HTR2C: variants seen among roughly 807,000 people sequenced by gnomAD.
HTR2C encodes the protein 5-hydroxytryptamine receptor 2C, also known as 5-hydroxytryptamine (serotonin) receptor 2C, G protein-coupled.
Under a neutral mutation model 21.0 loss-of-function variants are expected in HTR2C, and 5 were observed. The ratio of observed to expected loss-of-function variants is 0.24; its 90% CI spans 0.12 to 0.50. The LOEUF (loss-of-function observed/expected upper bound fraction) is 0.50. HTR2C is among the 20% of genes least tolerant of loss of function. The pLI, the probability that HTR2C is intolerant of heterozygous loss-of-function variation, is 0.98. For missense variants in HTR2C, 271 were observed against 371.2 expected, an observed-to-expected ratio of 0.73 and a Z score of 2.22; for synonymous variants, 150 against 145.3, an observed-to-expected ratio of 1.03 and a Z score of -0.23.
chrX:114,901,977 A>G (rs782125056), intron 5 of HTR2C, among the ~76,000 whole-genome samples: 8 of 111,504 alleles, frequency 7.2e-5, no homozygotes, highest in Non-Finnish European at 1.3e-4. Flanking sequence ...TATTGGAATT[A>G]TTGTTAGTGA....
At chrX:114,683,706 A>C (rs1392695366) in intron 2 of HTR2C, among the ~76,000 whole-genome samples, 1 of 111,418 alleles carries the variant, frequency 9.0e-6, no homozygotes, top group Non-Finnish European at 1.9e-5. Flanking sequence ...GAGGCACAAG[A>C]ATCGCTTGAA....
At chrX:114,838,049 C>G (rs2070802922) in intron 4 of HTR2C, among the ~76,000 whole-genome samples, 1 of 111,164 alleles carries the variant, frequency 9.0e-6, no homozygotes, top group South Asian at 3.7e-4. Flanking sequence ...ATGCTAATAT[C>G]AGGGATTATA....
chrX:114,878,832 T>A (rs1414040180), intron 5 of HTR2C, among the ~76,000 whole-genome samples: 3 of 106,808 alleles, frequency 2.8e-5, no homozygotes, highest in Non-Finnish European at 5.8e-5. Context: ...TCCACAGTTA[T>A]AAGGGAACAG....
intron 4 of HTR2C, among the ~76,000 whole-genome samples, chrX:114,771,821 T>G (rs1006898144): frequency 3.6e-5 from 4 of 112,634 alleles, no homozygotes; most frequent in Admixed American, 2.8e-4. Context: ...ATAAAGCTTT[T>G]TCTGAAGAAC....
At chrX:114,708,804 A>ATT (rs201606862) in intron 2 of HTR2C, among the ~76,000 whole-genome samples, 287 of 106,942 alleles carry the variant, frequency 2.7e-3, no homozygotes, top group Non-Finnish European at 4.6e-3. Context: ...GAGATACTAC[A>ATT]TTTTTTTTAA....
chrX:114,630,918 T>C (rs995971889), intron 2 of HTR2C: 2 of 354,508 alleles, frequency 5.6e-6, no homozygotes, highest in Non-Finnish European at 5.5e-6. Flanking sequence ...TGCAGCTGGG[T>C]ACATATCTCC....
chrX:114,758,876 A>G (rs988268505), intron 4 of HTR2C, among the ~76,000 whole-genome samples: 1 of 111,833 alleles, frequency 8.9e-6, no homozygotes, highest in Non-Finnish European at 1.9e-5. Context: ...TTTGAAATAT[A>G]TCCCCCCACT....
intron 5 of HTR2C, among the ~76,000 whole-genome samples, chrX:114,858,362 CTATT>C (rs1312891204): frequency 9.0e-6 from 1 of 110,854 alleles, no homozygotes; most frequent in African/African-American, 3.3e-5. Flanking sequence ...AAATAATCTA[CTATT>C]TATTTAGGCC....
At chrX:114,803,634 C>T (rs1429484009) in intron 4 of HTR2C, among the ~76,000 whole-genome samples, 2 of 101,247 alleles carry the variant, frequency 2.0e-5, no homozygotes, top group Non-Finnish European at 4.0e-5. Flanking sequence ...GGATATTAGC[C>T]CTTTGTCAGA....
intron 1 of HTR2C, 134 bp downstream of exon 1, chrX:114,584,793 GA>G: frequency 8.8e-6 from 1 of 113,545 alleles, no homozygotes; most frequent in Non-Finnish European, 1.9e-5. Context: ...AGGTTGGGGG[GA>G]GGGACTCTGA....
intron 4 of HTR2C, among the ~76,000 whole-genome samples, chrX:114,821,220 A>G (rs1834488666): frequency 1.1e-5 from 1 of 88,069 alleles, no homozygotes; most frequent in African/African-American, 3.9e-5. Context: ...GAAAGCAGAT[A>G]TGAGTACGTA....
intron 2 of HTR2C, among the ~76,000 whole-genome samples, chrX:114,616,676 A>G (rs1299703649): frequency 8.9e-6 from 1 of 112,122 alleles, no homozygotes; most frequent in Non-Finnish European, 1.9e-5. Flanking sequence ...AGCCTTACTT[A>G]TGCTACCTAT....
At chrX:114,700,782 G>A (rs1932446178) in intron 2 of HTR2C, among the ~76,000 whole-genome samples, 1 of 112,612 alleles carries the variant, frequency 8.9e-6, no homozygotes, top group Non-Finnish European at 1.9e-5. Flanking sequence ...AAGCCCAAGG[G>A]GTCAGGGAGT....
intron 2 of HTR2C, among the ~76,000 whole-genome samples, chrX:114,663,897 CT>C (rs782314399): frequency 9.0e-6 from 1 of 111,567 alleles, no homozygotes; most frequent in South Asian, 3.8e-4. Context: ...AGGAATAATT[CT>C]GACTAGATCA....
chrX:114,876,244 G>T (rs1413950328), intron 5 of HTR2C, among the ~76,000 whole-genome samples: 2 of 108,841 alleles, frequency 1.8e-5, no homozygotes, highest in Non-Finnish European at 3.8e-5. Flanking sequence ...ACTGATTTTT[G>T]TATGTTGATT....
intron 2 of HTR2C, among the ~76,000 whole-genome samples, chrX:114,701,851 A>G (rs1488094263): frequency 9.8e-5 from 11 of 112,105 alleles, no homozygotes; most frequent in African/African-American, 3.2e-4. Flanking sequence ...TAACCAATAC[A>G]GAGAAGTCCT....
intron 1 of HTR2C, among the ~76,000 whole-genome samples, chrX:114,611,894 T>C (rs1928753685): frequency 1.8e-5 from 2 of 110,336 alleles, no homozygotes; most frequent in Non-Finnish European, 3.8e-5. Flanking sequence ...AGACTGGGTT[T>C]CACCGTGTTA....
chrX:114,604,810 G>A (rs1341864341), intron 1 of HTR2C, among the ~76,000 whole-genome samples: 5 of 111,077 alleles, frequency 4.5e-5, no homozygotes, highest in African/African-American at 9.8e-5. Flanking sequence ...TGGCCGCTGC[G>A]GTTCAGGCGT....
chrX:114,715,682 TTGTATA>T (rs1182504128), intron 2 of HTR2C, among the ~76,000 whole-genome samples: 1 of 111,767 alleles, frequency 8.9e-6, no homozygotes, highest in Non-Finnish European at 1.9e-5. Context: ...CAAATATTAT[TTGTATA>T]TTACAATATT....
Sources: gnomAD v4.1 joint callset for allele counts (sites outside exome capture counted in the v4.1 genomes callset) on GRCh38, gnomAD v4.1.1 for gene constraint, MANE v1.5 for transcripts, NCBI Gene and HGNC (gene_info 2026-07-23, HGNC 2026-07-21) for gene names.